The following AKR1C3 variants were observed in gnomAD, a reference collection of about 807,000 sequenced individuals.
AKR1C3 encodes aldo-keto reductase family 1 member C3.
A neutral mutation model predicts 43.6 loss-of-function variants in AKR1C3; 48 were observed. The observed-to-expected ratio is 1.10, with a 90% confidence interval of 0.87 to 1.40. AKR1C3 has a LOEUF of 1.40. Among genes scored for constraint, AKR1C3 ranks in the 40% most tolerant of loss-of-function variants. AKR1C3 has a pLI of 0.00. For synonymous variants in AKR1C3, 162 were observed against 139.6 expected, an observed-to-expected ratio of 1.16 and a Z score of -1.13; for missense variants, 482 against 391.2, an observed-to-expected ratio of 1.23 and a Z score of -1.96.
chr10:5,062,972 A>T (rs1838413056), intron 1 of AKR1C3, among the ~76,000 whole-genome samples: 1 of 152,142 alleles, frequency 6.6e-6, no homozygotes, highest in Admixed American at 6.5e-5. Context: ...CCAATCCCTG[A>T]TTCATTATTT....
chr10:5,099,083 G>T (rs954142079), intron 4 of AKR1C3, among the ~76,000 whole-genome samples: 5 of 152,292 alleles, frequency 3.3e-5, no homozygotes. Flanking sequence ...AGGAGGACAG[G>T]AATCTCTTTC....
chr10:5,097,679 G>T, intron 3 of AKR1C3, 129 bp downstream of exon 3: 1 of 1,551,232 alleles, frequency 6.4e-7, no homozygotes, highest in Non-Finnish European at 8.7e-7. Context: ...AACCGTAAGT[G>T]GAACACCTAA....
At chr10:5,084,154 A>G (rs1431221843) in intron 1 of AKR1C3, among the ~76,000 whole-genome samples, 1 of 152,028 alleles carries the variant, frequency 6.6e-6, no homozygotes, top group Non-Finnish European at 1.5e-5. Context: ...TCCTTGCCCA[A>G]GCCTATGTCC....
intron 1 of AKR1C3, among the ~76,000 whole-genome samples, chr10:5,060,956 A>G (rs990351390): frequency 1.3e-5 from 2 of 152,208 alleles, no homozygotes; most frequent in Non-Finnish European, 2.9e-5. Context: ...TGCTGAGCCC[A>G]TGCCCACCTG....
In AKR1C3 at chr10:5,085,505, G is replaced by C. The variant is rs528433413; in HGVS notation, c.85-10905G>C. On this transcript the variant is annotated intron_variant, in intron 1 of 8. Coordinates refer to the AKR1C3 transcript ENST00000439082. ...GTATTTTATTGAGGATTTTTGCATC[G>C]ATTTCATCAGGGACATTGGTCTAAA... 9.0e-4 allele frequency among the ~76,000 whole-genome samples: 137 copies of C among 151,506 alleles called. 2 individuals carry two copies. Among genetic ancestry groups the C allele is most frequent in the African/African-American group, 3.2e-3 (133 of 41,210 alleles).
intron 8 of AKR1C3, 97 bp downstream of exon 8, chr10:5,105,774 C>A: frequency 4.5e-6 from 4 of 882,662 alleles, no homozygotes; most frequent in Non-Finnish European, 7.3e-6. Context: ...GGACAGAGGC[C>A]AATGTGAGTC....
intron 1 of AKR1C3, chr10:5,048,918 A>G: frequency 1.2e-6 from 2 of 1,601,466 alleles, no homozygotes; most frequent in East Asian, 2.2e-5. Flanking sequence ...TTTTTGGTGC[A>G]GAGAGTTGAA....
rs565596590 is a variant in AKR1C3 at position 5,077,637 on chromosome 10, GT to G, written c.85-18768del. 63 of 1,050,938 alleles carry G rather than the reference GT, an allele frequency of 6.0e-5. No homozygotes were observed. The African/African-American group carries it at 9.3e-4, about 16-fold the overall frequency. 65.1% of individuals were successfully genotyped at this position (1,050,938 alleles called of 1,614,324 possible). On this transcript the variant is annotated intron_variant, in intron 1 of 8. Coordinates refer to the AKR1C3 transcript ENST00000439082. ...CTTGCCTGTCTGGGCAAGGAGTTTG[GT>G]TTTTGCTGAACATTCCCCTTAGTAA...
chr10:5,081,184 G>A (rs1838830634), intron 1 of AKR1C3, among the ~76,000 whole-genome samples: 1 of 152,122 alleles, frequency 6.6e-6, no homozygotes, highest in African/African-American at 2.4e-5. Flanking sequence ...AGAAGTTAGG[G>A]CCTTGTAATA....
At position 5,097,636 on chromosome 10, in the gene AKR1C3, T is replaced by C. The variant is rs782754665; in HGVS notation, c.369+86T>C. 2.5e-6 allele frequency: 4 copies of C among 1,601,822 alleles called. 1 individual carries two copies. Among genetic ancestry groups the C allele is most frequent in the South Asian group, 1.1e-5 (1 of 90,198 alleles). ...TGGATAGTTGAACAGAGCTTTTTAT[T>C]AGGAGGATGTAGGGATTATCACACA... On this transcript the variant is annotated intron_variant, in intron 3 of 8. Transcript: ENST00000380554.
intron 8 of AKR1C3, 74 bp downstream of exon 8, chr10:5,105,751 C>A: frequency 8.4e-7 from 1 of 1,192,268 alleles, no homozygotes; most frequent in South Asian, 1.3e-5. Context: ...TGAGAGTGAC[C>A]TCCATACCAG....
At chr10:5,087,111 T>C (rs1838983559) in intron 1 of AKR1C3, among the ~76,000 whole-genome samples, 2 of 152,196 alleles carry the variant, frequency 1.3e-5, no homozygotes, top group African/African-American at 4.8e-5. Context: ...CCTGTCATTA[T>C]GATGTTAGCT....
At position 5,075,326 on chromosome 10, in the gene AKR1C3, A is replaced by C. The variant is rs150963568; in HGVS notation, c.85-21084A>C. The stretch of plus-strand genomic sequence containing the variant: ...TGTTAGGTGAATTTTTAGTGAACTT[A>C]AGAAGGTAGAGAAAATTTTTTCCCT... On this transcript the variant is annotated intron_variant, in intron 1 of 8. Transcript: ENST00000439082. Among the ~76,000 whole-genome samples the C allele has an allele frequency of 6.4e-3, 974 of 152,202 alleles. 11 individuals carry two copies. The highest frequency in any genetic ancestry group is 0.021 in the African/African-American group (892 of 41,524).
rs567002258 is a variant in AKR1C3, at chr10:5,101,838, C to T, written c.571-263C>T. 8.5e-5 allele frequency among the ~76,000 whole-genome samples: 13 copies of T among 152,284 alleles called. No individual in the cohort carries two copies. In the South Asian group the frequency reaches 2.3e-3, roughly 27 times the overall value. On this transcript the variant is annotated intron_variant, in intron 5 of 8. Coordinates refer to ENST00000380554, the MANE Select transcript of AKR1C3 (RefSeq NM_003739.6). ...TGTATCCCAGATATGGAACTTGTTA[C>T]ATCTCCTTCTAGTTGTCAAAGGTCT...
At chr10:5,105,772 G>A (rs1390083193) in intron 8 of AKR1C3, 95 bp downstream of exon 8, 22 of 897,940 alleles carry the variant, frequency 2.5e-5, no homozygotes, top group Non-Finnish European at 3.4e-5. Flanking sequence ...AGGGACAGAG[G>A]CCAATGTGAG....
At chr10:5,089,334 G>C (rs949434123) in intron 1 of AKR1C3, among the ~76,000 whole-genome samples, 2 of 151,190 alleles carry the variant, frequency 1.3e-5, no homozygotes, top group Non-Finnish European at 3.0e-5. Flanking sequence ...CTTCTACTAT[G>C]TTTTTCAAAC....
intron 1 of AKR1C3, among the ~76,000 whole-genome samples, chr10:5,049,359 G>A (rs1226130486): frequency 1.3e-5 from 2 of 152,274 alleles, no homozygotes; most frequent in African/African-American, 2.4e-5. Context: ...TCACTGTTCT[G>A]ATATGCGGCC....
rs1554787020 is a variant in AKR1C3 at position 5,105,562 on chromosome 10, CTAAAAATAA to C, written c.847-27_847-19del. On this transcript the variant is annotated intron_variant, in intron 7 of 8. Transcript: ENST00000380554. ...TACTTGGGGATTCACAACTGGCAAT[CTAAAAATAA>C]TAAAAGTTTTTTATTTCTGATAGGT... 6.5e-6 allele frequency: 10 copies of C among 1,550,316 alleles called. No homozygotes were observed. In the East Asian group the frequency reaches 1.6e-4, roughly 25 times the overall value.
At chr10:5,086,024 C>A (rs1200668608) in intron 1 of AKR1C3, among the ~76,000 whole-genome samples, 1 of 151,736 alleles carries the variant, frequency 6.6e-6, no homozygotes, top group African/African-American at 2.4e-5. Flanking sequence ...TTCAAAAAAC[C>A]AGCTCCTGGT....
Sources: allele counts gnomAD v4.1 joint callset (sites outside exome capture counted in the v4.1 genomes callset), GRCh38; gene constraint gnomAD v4.1.1; transcripts MANE v1.5; gene names NCBI Gene and HGNC (gene_info 2026-07-23, HGNC 2026-07-21).